CRYBG1: variants seen among roughly 807,000 people sequenced by gnomAD.
CRYBG1 encodes the protein beta/gamma crystallin domain-containing protein 1.
CRYBG1 carries 139 observed loss-of-function variants against 189.2 expected under a neutral mutation model. That is an observed-to-expected ratio of 0.73 (90% confidence interval 0.64 to 0.85). The LOEUF is 0.85. Ranked by LOEUF, CRYBG1 falls within the 40% of genes least tolerant of loss-of-function variation. CRYBG1 has a pLI of 0.00. For synonymous variants in CRYBG1, 1,023 were observed against 1,017.1 expected (o/e 1.01, Z -0.11); for missense variants, 2,611 against 2,675.8 (o/e 0.98, Z 0.53).
chr6:106,414,893 C>G (rs1352619152), intron 1 of CRYBG1, among the ~76,000 whole-genome samples: 1 of 151,898 alleles, frequency 6.6e-6, no homozygotes, highest in East Asian at 1.9e-4. Flanking sequence ...CCCTTTTTTT[C>G]TGATAGAAGC....
At chr6:106,499,175 C>T (rs1380391976) in intron 2 of CRYBG1, among the ~76,000 whole-genome samples, 6 of 126,712 alleles carry the variant, frequency 4.7e-5, no homozygotes, top group African/African-American at 1.3e-4. Context: ...TTTTTTGAGA[C>T]GGAGTCTCTC....
intron 21 of CRYBG1, among the ~76,000 whole-genome samples, chr6:106,565,801 A>T (rs574740428): frequency 1.3e-5 from 2 of 152,354 alleles, no homozygotes; most frequent in African/African-American, 4.8e-5. Flanking sequence ...TAGATGATCA[A>T]CCTGAGGTTC....
intron 2 of CRYBG1, among the ~76,000 whole-genome samples, chr6:106,464,313 T>A (rs1357105282): frequency 6.6e-6 from 1 of 152,080 alleles, no homozygotes; most frequent in Admixed American, 6.5e-5. Context: ...ACCAACATGA[T>A]GAAACCCATC....
chr6:106,488,723 C>T (rs1772648392), intron 2 of CRYBG1, among the ~76,000 whole-genome samples: 2 of 152,132 alleles, frequency 1.3e-5, no homozygotes, highest in Admixed American at 6.5e-5. Context: ...GCTTGTGTCC[C>T]TGGGTGATAA....
At chr6:106,421,175 G>T (rs113810987) in intron 1 of CRYBG1, among the ~76,000 whole-genome samples, 13 of 152,278 alleles carry the variant, frequency 8.5e-5, no homozygotes, top group African/African-American at 3.1e-4. Flanking sequence ...TGAGATGATT[G>T]TTACTATTTA....
chr6:106,453,785 C>A (rs1771830605), intron 2 of CRYBG1, among the ~76,000 whole-genome samples: 1 of 152,146 alleles, frequency 6.6e-6, no homozygotes, highest in African/African-American at 2.4e-5. Flanking sequence ...CATTGGGCTG[C>A]CCACAGGAGC....
Position 106,552,257 on chromosome 6 carries a change from C to A in CRYBG1, c.5472+41C>A, listed in dbSNP as rs1010620719. 2.3e-6 allele frequency: 3 copies of A among 1,317,122 alleles called. No individual in the cohort carries two copies. The African/African-American group carries it at 4.6e-5, about 20-fold the overall frequency. The allele number at this position is 1,317,122 out of a possible 1,614,324, so 81.6% of individuals were successfully genotyped here. ...TTCTTTTATATTAATATATAAAGGG[C>A]CTTCCATTGAAAAGCTGAACTTATG... On this transcript the variant is annotated intron_variant, in intron 15 of 21. Coordinates refer to ENST00000633556, the MANE Select transcript of CRYBG1 (RefSeq NM_001371242.2).
intron 1 of CRYBG1, among the ~76,000 whole-genome samples, chr6:106,424,819 C>T (rs1771196120): frequency 6.6e-6 from 1 of 152,174 alleles, no homozygotes; most frequent in Non-Finnish European, 1.5e-5. Context: ...GTCTGCCCGT[C>T]ACCACAGAAG....
At chr6:106,490,519 T>C (rs554525573) in intron 2 of CRYBG1, among the ~76,000 whole-genome samples, 3 of 152,324 alleles carry the variant, frequency 2.0e-5, no homozygotes, top group South Asian at 4.1e-4. Flanking sequence ...ATGAACACTT[T>C]CTCTACATTT....
chr6:106,468,927 C>CATCTTTAT (rs1297059140), intron 2 of CRYBG1, among the ~76,000 whole-genome samples: 1 of 152,186 alleles, frequency 6.6e-6, no homozygotes, highest in Non-Finnish European at 1.5e-5. Context: ...ACAGATCAGC[C>CATCTTTAT]ATCTTTTTAT....
chr6:106,366,909 G>A (rs1772011228), intron 1 of CRYBG1, among the ~76,000 whole-genome samples: 1 of 152,174 alleles, frequency 6.6e-6, no homozygotes. Flanking sequence ...AACTTCAGAG[G>A]CCCAGAAGTC....
intron 18 of CRYBG1, among the ~76,000 whole-genome samples, chr6:106,559,546 G>GGCTGA (rs1774647715): frequency 6.6e-6 from 1 of 152,218 alleles, no homozygotes; most frequent in Non-Finnish European, 1.5e-5. Flanking sequence ...CACTTTGGGA[G>GGCTGA]GGCAAAGCGG....
chr6:106,545,570 A>G (rs913811649), intron 13 of CRYBG1, among the ~76,000 whole-genome samples: 1 of 152,228 alleles, frequency 6.6e-6, no homozygotes, highest in African/African-American at 2.4e-5. Context: ...CGGATCAAAC[A>G]CTATCAGAAC....
rs368254823 is a variant in CRYBG1 at position 106,520,085 on chromosome 6, C to A, written c.2877C>A (p.Ser959=). 1 of 1,614,154 alleles carries A rather than the reference C, an allele frequency of 6.2e-7. No homozygotes were observed. Among genetic ancestry groups the A allele is most frequent in the Admixed American group, 1.7e-5 (1 of 60,020 alleles). Residue 959 remains serine, a synonymous_variant, in exon 4 of 22, where the codon TCC becomes TCA. Coordinates refer to ENST00000633556, the MANE Select transcript of CRYBG1 (RefSeq NM_001371242.2). ...CCAGAGTCCTCGTCCAGGTCAGGTCCTTCGTGCTCCCCGTGGAGAGCACCC... is the reference window on the plus strand; with the variant it reads ...CCAGAGTCCTCGTCCAGGTCAGGTCATTCGTGCTCCCCGTGGAGAGCACCC... ...CPSRVLVQVR[S]FVLPVESTQD...
intron 6 of CRYBG1, among the ~76,000 whole-genome samples, chr6:106,526,628 G>T (rs1773743332): frequency 6.6e-6 from 1 of 151,978 alleles, no homozygotes; most frequent in African/African-American, 2.4e-5. Context: ...CTCTCTAAGA[G>T]AAATGTTTTC....
chr6:106,379,437 AT>A (rs1240686939), intron 1 of CRYBG1, among the ~76,000 whole-genome samples: 1 of 146,652 alleles, frequency 6.8e-6, no homozygotes, highest in Non-Finnish European at 1.5e-5. Flanking sequence ...AATTTTTTGT[AT>A]TTTTAGTAGA....
At chr6:106,479,179 C>T (rs766022305) in intron 2 of CRYBG1, among the ~76,000 whole-genome samples, 1 of 152,112 alleles carries the variant, frequency 6.6e-6, no homozygotes, top group Non-Finnish European at 1.5e-5. Flanking sequence ...CATTTATGTA[C>T]AAGTTTTTGT....
chr6:106,543,711 GAC>G, intron 11 of CRYBG1, 114 bp downstream of exon 11: 1 of 1,192,616 alleles, frequency 8.4e-7, no homozygotes, highest in Admixed American at 2.2e-5. Context: ...GGTGAATTTT[GAC>G]AGTTATATCC....
intron 1 of CRYBG1, among the ~76,000 whole-genome samples, chr6:106,367,735 A>G (rs563222921): frequency 1.1e-4 from 17 of 151,848 alleles, no homozygotes; most frequent in African/African-American, 3.6e-4. Context: ...ATGCTGAGAC[A>G]GGAGGATTGC....
Sources: allele counts gnomAD v4.1 joint callset (sites outside exome capture counted in the v4.1 genomes callset), GRCh38; gene constraint gnomAD v4.1.1; transcripts MANE v1.5; gene names NCBI Gene and HGNC (gene_info 2026-07-23, HGNC 2026-07-21).